DTNA: variants seen among roughly 807,000 people sequenced by gnomAD.
DTNA encodes the protein dystrobrevin alpha.
Under a neutral mutation model 100.7 loss-of-function variants are expected in DTNA, and 43 were observed. The observed-to-expected ratio is 0.43, with a 90% CI of 0.33 to 0.55. DTNA has a LOEUF of 0.55. Among genes scored for constraint, DTNA ranks in the 20% least tolerant of loss-of-function variants. The probability of loss-of-function intolerance (pLI) is 0.04; values close to 1 mark genes in which losing one functional copy is unlikely to be tolerated. For missense variants in DTNA, 798 were observed against 953.9 expected (o/e 0.84, Z 2.15); for synonymous variants, 349 against 347.9 (o/e 1.00, Z -0.04).
intron 2 of DTNA, chr18:34,760,152 T>C (rs2093046131): frequency 6.6e-6 from 1 of 152,220 alleles, no homozygotes; most frequent in African/African-American, 2.4e-5. Flanking sequence ...CCCACCACCG[T>C]AGGTTCATGG....
intron 3 of DTNA, among the ~76,000 whole-genome samples, chr18:34,767,214 T>C (rs560310197): frequency 2.3e-5 from 1 of 42,736 alleles, no homozygotes; most frequent in East Asian, 1.1e-3. Flanking sequence ...ATTAGACTCA[T>C]GGTAAGGGTA....
chr18:34,699,575 T>G (rs915489861), intron 1 of DTNA, among the ~76,000 whole-genome samples: 3 of 152,224 alleles, frequency 2.0e-5, no homozygotes, highest in Admixed American at 6.5e-5. Context: ...TAAAATTCAC[T>G]GTCACACAAC....
chr18:34,677,782 G>A (rs573651013), intron 1 of DTNA, among the ~76,000 whole-genome samples: 1 of 152,234 alleles, frequency 6.6e-6, no homozygotes, highest in South Asian at 2.1e-4. Context: ...AACAGAAGAT[G>A]TATATGCCTA....
Position 34,611,359 on chromosome 18 carries a change from T to A in DTNA, c.-2+117845T>A, listed in dbSNP as rs2054173320. On this transcript the variant is annotated intron_variant, in intron 1 of 19. Coordinates refer to the DTNA transcript ENST00000283365. ...GGTTCATTCACCTGTAATGAAAATT[T>A]AACAGGTAGAGAGTGATTAAATCCT... Among the ~76,000 whole-genome samples the A allele has an allele frequency of 2.0e-5, 3 of 152,316 alleles. No homozygotes were observed. In the South Asian group the frequency reaches 6.2e-4, roughly 32 times the overall value.
chr18:34,664,444 A>G (rs1842411), intron 1 of DTNA, among the ~76,000 whole-genome samples: 2,208 of 152,288 alleles, frequency 0.014, 42 homozygotes, highest in African/African-American at 0.047. Flanking sequence ...TAAACGTATA[A>G]TGAGAATCAA....
intron 1 of DTNA, among the ~76,000 whole-genome samples, chr18:34,552,933 G>C (rs1472272031): frequency 7.4e-6 from 1 of 134,652 alleles, no homozygotes; most frequent in East Asian, 2.1e-4. Context: ...TCTAGTTCTA[G>C]ATCCCTGAGG....
intron 1 of DTNA, among the ~76,000 whole-genome samples, chr18:34,630,307 A>G (rs1322145780): frequency 3.3e-5 from 5 of 152,190 alleles, no homozygotes; most frequent in Non-Finnish European, 5.9e-5. Flanking sequence ...GCCCAGCCAC[A>G]TCATAATATT....
chr18:34,863,604 C>A (rs1294415028), intron 16 of DTNA, among the ~76,000 whole-genome samples: 1 of 152,172 alleles, frequency 6.6e-6, no homozygotes, highest in South Asian at 2.1e-4. Context: ...GGAAGATTTG[C>A]CTTTTTCAGT....
intron 1 of DTNA, among the ~76,000 whole-genome samples, chr18:34,553,948 A>C (rs867662590): frequency 0.043 from 6,479 of 149,366 alleles, 331 homozygotes; most frequent in African/African-American, 0.14. Flanking sequence ...GATGGCATTG[A>C]ATCTGTAAAT....
In DTNA at chr18:34,539,073, T is replaced by C. The variant is rs190076036; in HGVS notation, c.-2+45559T>C. On this transcript the variant is annotated intron_variant, in intron 1 of 19. Coordinates refer to the DTNA transcript ENST00000283365. Reference sequence around the variant, plus strand: ...TTAAATGTCACAAGTAAATGCCATGTAAAATAATGAGTTATCACTGTTCAC... The same window carrying C: ...TTAAATGTCACAAGTAAATGCCATGCAAAATAATGAGTTATCACTGTTCAC... Among the ~76,000 whole-genome samples the C allele has an allele frequency of 4.8e-3, 724 of 152,148 alleles. 3 individuals are homozygous for C. The highest frequency in any genetic ancestry group is 0.017 in the Middle Eastern group (5 of 294).
chr18:34,774,870 T>A (rs1405732924), intron 3 of DTNA, among the ~76,000 whole-genome samples: 2 of 152,230 alleles, frequency 1.3e-5, no homozygotes, highest in African/African-American at 4.8e-5. Context: ...AATCTGGGCA[T>A]CATCTTTGAC....
At chr18:34,524,256 G>C (rs180784417) in intron 1 of DTNA, among the ~76,000 whole-genome samples, 1 of 152,086 alleles carries the variant, frequency 6.6e-6, no homozygotes, top group Non-Finnish European at 1.5e-5. Context: ...GTGCACCTCT[G>C]TATGAAAATA....
chr18:34,824,932 T>TAAAA lies in DTNA; in HGVS notation c.1002-2643_1002-2640dup, dbSNP rs35456039. On this transcript the variant is annotated intron_variant, in intron 9 of 22. Coordinates refer to ENST00000444659, the MANE Select transcript of DTNA (RefSeq NM_001386795.1). ...ATTTTACAGGTAGCCTTAGATACAG[T>TAAAA]AAAAAAAAAAAAAAAAAAAAATTAA... 7.7e-3 allele frequency among the ~76,000 whole-genome samples: 747 copies of TAAAA among 96,772 alleles called. 3 individuals are homozygous for TAAAA. The highest frequency in any genetic ancestry group is 0.024 in the African/African-American group (654 of 26,902). 63.5% of individuals were successfully genotyped at this position (96,772 alleles called of 152,430 possible).
intron 2 of DTNA, among the ~76,000 whole-genome samples, chr18:34,758,264 A>C (rs1168161796): frequency 2.0e-5 from 3 of 152,204 alleles, no homozygotes; most frequent in Non-Finnish European, 4.4e-5. Flanking sequence ...AAAGGACTAG[A>C]CTTGTAAATC....
chr18:34,826,013 C>T (rs945775222), intron 9 of DTNA, among the ~76,000 whole-genome samples: 5 of 152,148 alleles, frequency 3.3e-5, no homozygotes, highest in Admixed American at 6.6e-5. Context: ...TAGTTTTAAA[C>T]TAGCCTTGCG....
intron 1 of DTNA, among the ~76,000 whole-genome samples, chr18:34,732,717 G>A (rs2088592312): frequency 6.6e-6 from 1 of 152,224 alleles, no homozygotes; most frequent in Non-Finnish European, 1.5e-5. Flanking sequence ...TAAGTCTAAA[G>A]TGCTATGTTA....
intron 1 of DTNA, among the ~76,000 whole-genome samples, chr18:34,752,368 C>T (rs1012291260): frequency 3.9e-5 from 6 of 152,182 alleles, no homozygotes; most frequent in Admixed American, 2.0e-4. Flanking sequence ...TTCTCTCTTT[C>T]AAAGGCAGTG....
chr18:34,541,449 CTGT>C (rs1205278786), intron 1 of DTNA, among the ~76,000 whole-genome samples: 1 of 151,996 alleles, frequency 6.6e-6, no homozygotes, highest in Non-Finnish European at 1.5e-5. Context: ...TTTTCTCATG[CTGT>C]TCTCTTGATT....
intron 1 of DTNA, among the ~76,000 whole-genome samples, chr18:34,562,344 G>T (rs546035932): frequency 6.6e-6 from 1 of 152,282 alleles, no homozygotes; most frequent in Middle Eastern, 3.4e-3. Flanking sequence ...CACAAAATAT[G>T]GGGGATAAAG....
Sources: gnomAD v4.1 joint callset for allele counts (sites outside exome capture counted in the v4.1 genomes callset) on GRCh38, gnomAD v4.1.1 for gene constraint, MANE v1.5 for transcripts, NCBI Gene and HGNC (gene_info 2026-07-23, HGNC 2026-07-21) for gene names.